The following PDE10A variants were observed in gnomAD, a reference collection of about 807,000 sequenced individuals.
PDE10A encodes cAMP and cAMP-inhibited cGMP 3',5'-cyclic phosphodiesterase 10A.
PDE10A carries 39 observed loss-of-function variants against 97.7 expected under a neutral mutation model. The observed-to-expected ratio is 0.40, with a 90% confidence interval of 0.31 to 0.52. The LOEUF is 0.52. Among genes scored for constraint, PDE10A ranks in the 20% least tolerant of loss-of-function variants. PDE10A has a pLI of 0.56. For synonymous variants in PDE10A, 371 were observed against 376.8 expected (o/e 0.98, Z 0.18); for missense variants, 731 against 1,047.8 (o/e 0.70, Z 4.17).
intron 17 of PDE10A, among the ~76,000 whole-genome samples, chr6:165,387,364 G>A (rs1208253034): frequency 7.2e-5 from 11 of 152,270 alleles, no homozygotes; most frequent in Non-Finnish European, 2.9e-5. Flanking sequence ...GACTGAGCAG[G>A]CAGCACTACC....
At chr6:165,560,115 C>A (rs561270334) in intron 1 of PDE10A, among the ~76,000 whole-genome samples, 1 of 152,264 alleles carries the variant, frequency 6.6e-6, no homozygotes, top group Non-Finnish European at 1.5e-5. Flanking sequence ...ACAGGTTGGT[C>A]CTAAAATAGG....
intron 3 of PDE10A, among the ~76,000 whole-genome samples, chr6:165,479,457 C>T (rs1475596200): frequency 1.3e-5 from 2 of 152,172 alleles, no homozygotes; most frequent in African/African-American, 2.4e-5. Flanking sequence ...TCTCTCATTC[C>T]CTTCAGATTC....
Position 165,331,981 on chromosome 6 carries a change from AG to A in PDE10A, c.*1043del, listed in dbSNP as rs1781369617. ...GAGATAAGTGAGAGGTGACTGCGGC[AG>A]GTCAGAGTAAAATTACAAAATACAC... is the stretch of plus-strand genomic sequence containing the variant. On this transcript the variant is annotated 3_prime_UTR_variant, in exon 22 of 22. Coordinates refer to ENST00000539869, the MANE Select transcript of PDE10A (RefSeq NM_001385079.1). 6.6e-6 allele frequency: 1 copy of A among 152,230 alleles called. No individual in the cohort carries two copies. Among genetic ancestry groups the A allele is most frequent in the South Asian group, 2.1e-4 (1 of 4,832 alleles). 9.4% of individuals were successfully genotyped at this position (152,230 alleles called of 1,614,324 possible).
intron 1 of PDE10A, among the ~76,000 whole-genome samples, chr6:165,884,795 A>G (rs1289216372): frequency 1.3e-5 from 2 of 152,232 alleles, no homozygotes; most frequent in African/African-American, 4.8e-5. Flanking sequence ...GATTAATTGA[A>G]CACTGCAATG....
At chr6:165,914,100 C>T (rs935046405) in intron 1 of PDE10A, among the ~76,000 whole-genome samples, 7 of 152,124 alleles carry the variant, frequency 4.6e-5, no homozygotes, top group African/African-American at 1.7e-4. Flanking sequence ...AAACAGCCAC[C>T]CCTACATATA....
At position 165,388,243 on chromosome 6, in the gene PDE10A, C is replaced by T; in HGVS notation, c.2610+55G>A. 1 of 1,537,132 alleles carries T rather than the reference C, an allele frequency of 6.5e-7. No homozygotes were observed. The highest frequency in any genetic ancestry group is 1.9e-4 in the Middle Eastern group (1 of 5,358). ...CTTCCTTTTCCACCTATGAAGTATC[C>T]CTATCTCCCAGACAGCCCTTCAGAC... On this transcript the variant is annotated intron_variant, in intron 17 of 21. Transcript: ENST00000539869. The surrounding 1 kb of genome is among the most constrained non-coding windows in gnomAD (Gnocchi z 4.0).
At chr6:165,603,721 CTAATGGT>C (rs1787077741) in intron 1 of PDE10A, among the ~76,000 whole-genome samples, 1 of 152,284 alleles carries the variant, frequency 6.6e-6, no homozygotes, top group South Asian at 2.1e-4. Context: ...ACAATGACCC[CTAATGGT>C]ATTGAAAATG....
intron 1 of PDE10A, among the ~76,000 whole-genome samples, chr6:165,689,805 A>G (rs1245683879): frequency 2.0e-5 from 3 of 152,164 alleles, no homozygotes; most frequent in African/African-American, 7.2e-5. Context: ...GGACTAAGAC[A>G]ATCGCTAAAG....
chr6:165,804,786 G>C (rs1779074411), intron 1 of PDE10A, among the ~76,000 whole-genome samples: 1 of 150,906 alleles, frequency 6.6e-6, no homozygotes, highest in African/African-American at 2.4e-5. Flanking sequence ...ACTGGGCGAC[G>C]GCCCCGGGGC....
intron 1 of PDE10A, among the ~76,000 whole-genome samples, chr6:165,980,213 A>G (rs930008113): frequency 6.6e-6 from 1 of 152,246 alleles, no homozygotes; most frequent in Admixed American, 6.5e-5. Context: ...GATTTTCAAA[A>G]TGTAGTGTCT....
intron 1 of PDE10A, among the ~76,000 whole-genome samples, chr6:165,623,660 C>T (rs925730173): frequency 6.6e-6 from 1 of 152,176 alleles, no homozygotes; most frequent in South Asian, 2.1e-4. Flanking sequence ...GACTTCAATG[C>T]TCACACTGTG....
intron 1 of PDE10A, among the ~76,000 whole-genome samples, chr6:165,924,463 T>A (rs1377175450): frequency 6.6e-6 from 1 of 152,156 alleles, no homozygotes; most frequent in African/African-American, 2.4e-5. Flanking sequence ...GGTGTCCATG[T>A]GGATAGAAGA....
At chr6:165,765,998 A>G (rs1426518910) in intron 1 of PDE10A, among the ~76,000 whole-genome samples, 1 of 152,240 alleles carries the variant, frequency 6.6e-6, no homozygotes, top group Admixed American at 6.5e-5. Flanking sequence ...CGTCCTCTAA[A>G]ACCCTGAGAA....
At chr6:165,446,629 C>T (rs921922079) in intron 5 of PDE10A, among the ~76,000 whole-genome samples, 14 of 152,170 alleles carry the variant, frequency 9.2e-5, no homozygotes, top group African/African-American at 2.9e-4. Context: ...CCACTCAAAT[C>T]ACAGATAAAC....
At chr6:165,458,826 A>G (rs1417625497) in intron 3 of PDE10A, among the ~76,000 whole-genome samples, 1 of 152,188 alleles carries the variant, frequency 6.6e-6, no homozygotes, top group Non-Finnish European at 1.5e-5. Flanking sequence ...TACCATGATC[A>G]GAAAATTTAA....
At chr6:165,669,086 G>A (rs1790575918) in intron 1 of PDE10A, among the ~76,000 whole-genome samples, 1 of 152,194 alleles carries the variant, frequency 6.6e-6, no homozygotes, top group Admixed American at 6.5e-5. Flanking sequence ...CACACACACA[G>A]TCTACCCAGT....
chr6:165,817,610 C>T (rs1253404675), intron 1 of PDE10A, among the ~76,000 whole-genome samples: 1 of 152,154 alleles, frequency 6.6e-6, no homozygotes, highest in Admixed American at 6.5e-5. Flanking sequence ...TCAACGCATA[C>T]ATGGATGGCT....
intron 1 of PDE10A, among the ~76,000 whole-genome samples, chr6:165,815,961 T>C (rs1377395282): frequency 6.6e-6 from 1 of 152,006 alleles, no homozygotes; most frequent in African/African-American, 2.4e-5. Flanking sequence ...TTTATCTTTT[T>C]TTTTTTGAAA....
At chr6:165,756,265 C>T (rs568082260) in intron 1 of PDE10A, among the ~76,000 whole-genome samples, 2 of 152,148 alleles carry the variant, frequency 1.3e-5, no homozygotes, top group African/African-American at 4.8e-5. Flanking sequence ...GACTTTTCTC[C>T]TATTAATTTC....
Sources: allele counts gnomAD v4.1 joint callset (sites outside exome capture counted in the v4.1 genomes callset), GRCh38; gene constraint gnomAD v4.1.1; non-coding constraint Gnocchi (gnomAD v3.1); transcripts MANE v1.5; gene names NCBI Gene and HGNC (gene_info 2026-07-23, HGNC 2026-07-21).